NRG3: variants seen among roughly 807,000 people sequenced by gnomAD.
The protein encoded by NRG3 is pro-neuregulin-3, membrane-bound isoform.
NRG3 carries 31 observed loss-of-function variants against 66.9 expected under a neutral mutation model. The ratio of observed to expected loss-of-function variants is 0.46; its 90% CI spans 0.35 to 0.63. The LOEUF is 0.63. Among genes scored for constraint, NRG3 ranks in the 20% least tolerant of loss-of-function variants. The pLI, the probability that NRG3 is intolerant of heterozygous loss-of-function variation, is 0.00. For missense variants in NRG3, 910 were observed against 878.9 expected (o/e 1.04, Z -0.45); for synonymous variants, 393 against 359.4 (o/e 1.09, Z -1.06).
chr10:82,167,883 A>G (rs1048284243), intron 1 of NRG3, among the ~76,000 whole-genome samples: 1 of 151,998 alleles, frequency 6.6e-6, no homozygotes, highest in Admixed American at 6.6e-5. Context: ...TTACCTATTA[A>G]TTGTATTAAT....
At chr10:81,991,086 A>G (rs2133571317) in intron 1 of NRG3, among the ~76,000 whole-genome samples, 1 of 152,244 alleles carries the variant, frequency 6.6e-6, no homozygotes, top group African/African-American at 2.4e-5. Context: ...ATGTCGTGAC[A>G]TGGGCTGAAA....
chr10:82,548,893 C>G (rs1240705191), intron 2 of NRG3, among the ~76,000 whole-genome samples: 2 of 152,186 alleles, frequency 1.3e-5, no homozygotes, highest in Non-Finnish European at 2.9e-5. Flanking sequence ...AGAGCACAAT[C>G]AGCGGACAAT....
chr10:82,160,425 TCATGGCTATACAGATGAAAACATCG>T (rs2132936362), intron 1 of NRG3, among the ~76,000 whole-genome samples: 1 of 152,118 alleles, frequency 6.6e-6, no homozygotes, highest in South Asian at 2.1e-4. Flanking sequence ...GAATGCTTTG[TCATGGCTATACAGATGAAAACATCG>T]CTAAACAGAG....
At chr10:82,855,088 T>C (rs560083) in intron 3 of NRG3, among the ~76,000 whole-genome samples, 111,401 of 151,872 alleles carry the variant, frequency 0.73, 41,417 homozygotes, top group African/African-American at 0.86. Context: ...GAAGTGGGGG[T>C]GAGTTGTCTT....
intron 2 of NRG3, among the ~76,000 whole-genome samples, chr10:82,632,778 C>A (rs947139007): frequency 1.3e-5 from 2 of 152,044 alleles, no homozygotes; most frequent in African/African-American, 2.4e-5. Context: ...TTTGTTTAAT[C>A]TTTTAGTTTG....
At chr10:82,018,360 A>G (rs1257658895) in intron 1 of NRG3, among the ~76,000 whole-genome samples, 1 of 152,222 alleles carries the variant, frequency 6.6e-6, no homozygotes, top group African/African-American at 2.4e-5. Flanking sequence ...GTTTGAAGTC[A>G]GGTAGTGTGA....
intron 2 of NRG3, among the ~76,000 whole-genome samples, chr10:82,435,875 A>G (rs1198729513): frequency 2.8e-5 from 4 of 144,550 alleles, no homozygotes; most frequent in African/African-American, 1.0e-4. Context: ...CTTAATCCTG[A>G]GTTCTAATTT....
intron 2 of NRG3, among the ~76,000 whole-genome samples, chr10:82,685,303 A>C (rs1320776839): frequency 6.6e-6 from 1 of 152,240 alleles, no homozygotes. Flanking sequence ...TGAATAAATT[A>C]TACAAAATGC....
At position 81,882,708 on chromosome 10, in the gene NRG3, G is replaced by T. The variant is rs117326064; in HGVS notation, c.823+6545G>T. On this transcript the variant is annotated intron_variant, in intron 1 of 8. Coordinates refer to ENST00000372141, the MANE Select transcript of NRG3 (RefSeq NM_001010848.4). ...AAGAGCACATCAGACTATTGAATTCGGTTGAAATATTGGAGCTGGTTTGTT... is the reference window on the plus strand; with the variant it reads ...AAGAGCACATCAGACTATTGAATTCTGTTGAAATATTGGAGCTGGTTTGTT... Among the ~76,000 whole-genome samples, 4 of 152,218 alleles carry T rather than the reference G, an allele frequency of 2.6e-5. 1 individual carries two copies. In the South Asian group the frequency reaches 8.3e-4, roughly 32 times the overall value.
chr10:82,860,163 AT>A (rs2064043386), intron 3 of NRG3, among the ~76,000 whole-genome samples: 2 of 152,194 alleles, frequency 1.3e-5, no homozygotes, highest in African/African-American at 4.8e-5. Flanking sequence ...CCGGTAACCA[AT>A]GAAGAAATAT....
chr10:82,226,097 A>G (rs893831934), intron 1 of NRG3, among the ~76,000 whole-genome samples: 2 of 152,160 alleles, frequency 1.3e-5, no homozygotes, highest in Non-Finnish European at 2.9e-5. Flanking sequence ...ATATTACTCA[A>G]AAAATTGAAA....
intron 3 of NRG3, among the ~76,000 whole-genome samples, chr10:82,740,034 T>C (rs2058345119): frequency 6.6e-6 from 1 of 151,874 alleles, no homozygotes; most frequent in Non-Finnish European, 1.5e-5. Context: ...TCCTAATGTA[T>C]CTAGTTTTTC....
chr10:82,984,227 C>A (rs1018332272), intron 8 of NRG3, among the ~76,000 whole-genome samples: 1 of 152,178 alleles, frequency 6.6e-6, no homozygotes, highest in Non-Finnish European at 1.5e-5. Context: ...TGTCATGGAA[C>A]AGCACAGAGG....
At chr10:82,488,508 TA>T (rs1430547638) in intron 2 of NRG3, among the ~76,000 whole-genome samples, 1 of 152,240 alleles carries the variant, frequency 6.6e-6, no homozygotes, top group African/African-American at 2.4e-5. Context: ...AAATTATTAT[TA>T]TTTTTTAATT....
chr10:82,792,082 G>A (rs999394133), intron 3 of NRG3, among the ~76,000 whole-genome samples: 2 of 152,082 alleles, frequency 1.3e-5, no homozygotes. Context: ...CCAAGGTTCT[G>A]CCTTTTTTCT....
At chr10:82,066,851 C>T (rs1199559957) in intron 1 of NRG3, among the ~76,000 whole-genome samples, 2 of 152,014 alleles carry the variant, frequency 1.3e-5, no homozygotes, top group Non-Finnish European at 2.9e-5. Flanking sequence ...TTAATGAATC[C>T]TATCATACTG....
At chr10:82,409,793 T>G (rs1200979940) in intron 2 of NRG3, among the ~76,000 whole-genome samples, 1 of 152,150 alleles carries the variant, frequency 6.6e-6, no homozygotes, top group African/African-American at 2.4e-5. Context: ...TTTTCTGGGC[T>G]GTGGTTGATT....
At chr10:82,147,764 C>G (rs2070368208) in intron 1 of NRG3, among the ~76,000 whole-genome samples, 1 of 152,164 alleles carries the variant, frequency 6.6e-6, no homozygotes, top group African/African-American at 2.4e-5. Context: ...AGAGCCTTTA[C>G]TAATTTATTT....
intron 1 of NRG3, chr10:82,340,824 T>C (rs1437976896): frequency 1.3e-5 from 2 of 152,160 alleles, no homozygotes; most frequent in African/African-American, 4.8e-5. Context: ...GAGAAAGTTG[T>C]CATGGCCGTG....
Sources: gnomAD v4.1 joint callset for allele counts (sites outside exome capture counted in the v4.1 genomes callset) on GRCh38, gnomAD v4.1.1 for gene constraint, MANE v1.5 for transcripts, NCBI Gene and HGNC (gene_info 2026-07-23, HGNC 2026-07-21) for gene names.